CSMD1: variants seen among roughly 807,000 people sequenced by gnomAD.
CSMD1 encodes the protein CUB and sushi domain-containing protein 1.
A neutral mutation model predicts 417.5 loss-of-function variants in CSMD1; 213 were observed. That is an observed-to-expected ratio of 0.51 (90% CI 0.46 to 0.57). The LOEUF is 0.57. Ranked by LOEUF, CSMD1 falls within the 20% of genes least tolerant of loss-of-function variation. The pLI, the probability that CSMD1 is intolerant of heterozygous loss-of-function variation, is 0.00. For synonymous variants in CSMD1, 2,862 were observed against 1,736.8 expected, an observed-to-expected ratio of 1.65 and a Z score of -16.11; for missense variants, 6,923 against 4,529.7, an observed-to-expected ratio of 1.53 and a Z score of -15.17.
At chr8:4,923,178 G>A (rs943145638) in intron 1 of CSMD1, among the ~76,000 whole-genome samples, 1 of 152,108 alleles carries the variant, frequency 6.6e-6, no homozygotes, top group African/African-American at 2.4e-5. Context: ...AGTTTTAGAT[G>A]ACCACTGTCA....
At chr8:4,941,884 GCCA>G (rs1808027881) in intron 1 of CSMD1, among the ~76,000 whole-genome samples, 2 of 152,154 alleles carry the variant, frequency 1.3e-5, no homozygotes, top group South Asian at 2.1e-4. Flanking sequence ...ACAGGTGTGA[GCCA>G]CCACATCTGG....
chr8:3,814,178 C>A (rs897334252), intron 5 of CSMD1, among the ~76,000 whole-genome samples: 1 of 152,180 alleles, frequency 6.6e-6, no homozygotes, highest in Non-Finnish European at 1.5e-5. Context: ...AGTCAAGATG[C>A]AAACTGCAAG....
intron 54 of CSMD1, among the ~76,000 whole-genome samples, chr8:2,982,536 T>C (rs1805513360): frequency 6.6e-6 from 1 of 152,198 alleles, no homozygotes; most frequent in African/African-American, 2.4e-5. Context: ...TGTTTTGAGA[T>C]TTGATGGTGA....
intron 23 of CSMD1, among the ~76,000 whole-genome samples, chr8:3,335,759 G>C (rs967465631): frequency 6.6e-6 from 1 of 152,200 alleles, no homozygotes; most frequent in African/African-American, 2.4e-5. Context: ...AGCAGACACA[G>C]AGCTGGATGT....
chr8:3,935,420 GT>G (rs1200396099), intron 5 of CSMD1, among the ~76,000 whole-genome samples: 1 of 152,082 alleles, frequency 6.6e-6, no homozygotes, highest in East Asian at 1.9e-4. Context: ...AAATAACTGG[GT>G]TTTTGAAAAA....
At chr8:3,928,543 G>A (rs1809912333) in intron 5 of CSMD1, among the ~76,000 whole-genome samples, 1 of 135,674 alleles carries the variant, frequency 7.4e-6, no homozygotes, top group Non-Finnish European at 1.6e-5. Context: ...GCCGTTTGTA[G>A]GCTTCGGTAC....
intron 6 of CSMD1, among the ~76,000 whole-genome samples, chr8:3,741,949 AT>A (rs1235939152): frequency 6.6e-6 from 1 of 151,080 alleles, no homozygotes; most frequent in African/African-American, 2.4e-5. Flanking sequence ...CAAATGGCAA[AT>A]CTAATTCCAC....
chr8:3,708,055 C>T (rs1317444244), intron 7 of CSMD1, among the ~76,000 whole-genome samples: 1 of 152,200 alleles, frequency 6.6e-6, no homozygotes, highest in Non-Finnish European at 1.5e-5. Flanking sequence ...AAACCAACTT[C>T]TCCTTTGCAG....
chr8:4,008,660 G>C (rs1403251782), intron 4 of CSMD1, among the ~76,000 whole-genome samples: 3 of 134,420 alleles, frequency 2.2e-5, no homozygotes, highest in Non-Finnish European at 4.6e-5. Context: ...GCCCAGGCTG[G>C]AGTGCAGTGG....
At chr8:4,012,742 A>C (rs1796332990) in intron 4 of CSMD1, among the ~76,000 whole-genome samples, 2 of 152,134 alleles carry the variant, frequency 1.3e-5, no homozygotes, top group African/African-American at 4.8e-5. Context: ...ACTAGCCCTA[A>C]AATGGTTCTT....
chr8:3,621,837 G>C (rs2449230), intron 7 of CSMD1, among the ~76,000 whole-genome samples: 15,501 of 151,760 alleles, frequency 0.1, 965 homozygotes, highest in African/African-American at 0.16. Context: ...TCAAACTCCT[G>C]GGCTCAAACA....
In CSMD1 at chr8:4,536,286, T is replaced by C. The variant is rs1797099623; in HGVS notation, c.302+101056A>G. ...AAATAAAATCTACAAACATGTTCTA[T>C]TAAAAAAAATCTAGTTTTCTCCCTG... On this transcript the variant is annotated intron_variant, in intron 2 of 69. Transcript: ENST00000635120. Among the ~76,000 whole-genome samples the C allele has an allele frequency of 2.0e-5, 3 of 152,292 alleles. No homozygotes were observed. In the South Asian group the frequency reaches 6.2e-4, roughly 32 times the overall value.
intron 3 of CSMD1, among the ~76,000 whole-genome samples, chr8:4,163,821 T>C (rs956018462): frequency 2.0e-5 from 3 of 152,200 alleles, no homozygotes; most frequent in Non-Finnish European, 4.4e-5. Context: ...TCTACACCTA[T>C]ACCCCTTCAT....
At chr8:3,132,972 C>T (rs1817875052) in intron 41 of CSMD1, among the ~76,000 whole-genome samples, 1 of 152,180 alleles carries the variant, frequency 6.6e-6, no homozygotes, top group Non-Finnish European at 1.5e-5. Flanking sequence ...CTGAGGGTGC[C>T]GCTCCGTTCA....
chr8:3,437,436 G>C (rs1159288054), intron 12 of CSMD1, among the ~76,000 whole-genome samples: 1 of 152,160 alleles, frequency 6.6e-6, no homozygotes, highest in African/African-American at 2.4e-5. Flanking sequence ...TAAATGGGCT[G>C]TGTAATTTGT....
intron 3 of CSMD1, among the ~76,000 whole-genome samples, chr8:4,151,792 T>C (rs564976797): frequency 1.3e-4 from 20 of 152,326 alleles, no homozygotes; most frequent in African/African-American, 4.8e-4. Flanking sequence ...ATGCTTATTT[T>C]ATATGAAAAA....
intron 47 of CSMD1, among the ~76,000 whole-genome samples, chr8:3,092,237 G>C (rs1228674944): frequency 1.3e-5 from 2 of 151,866 alleles, no homozygotes; most frequent in Non-Finnish European, 2.9e-5. Flanking sequence ...AAAAGAATTA[G>C]ATTCATACAG....
chr8:3,337,059 G>T (rs766345132), intron 23 of CSMD1, among the ~76,000 whole-genome samples: 1 of 152,048 alleles, frequency 6.6e-6, no homozygotes, highest in Non-Finnish European at 1.5e-5. Flanking sequence ...GCTGGGGTTG[G>T]CCAGGCCTTG....
rs188634841 is a variant in CSMD1, at chr8:3,819,216, C to A, written c.819-65174G>T. On this transcript the variant is annotated intron_variant, in intron 5 of 69. Transcript: ENST00000635120. ...ATGTCTCCCAGGCTAACACTATGGA[C>A]AACCCTCTTTGGGCTGTGTAGTCAA... Among the ~76,000 whole-genome samples, 7 of 152,244 alleles carry A rather than the reference C, an allele frequency of 4.6e-5. No individual in the cohort carries two copies. In the South Asian group the frequency reaches 1.0e-3, roughly 23 times the overall value.
Sources: allele counts gnomAD v4.1 joint callset (sites outside exome capture counted in the v4.1 genomes callset), GRCh38; gene constraint gnomAD v4.1.1; transcripts MANE v1.5; gene names NCBI Gene and HGNC (gene_info 2026-07-23, HGNC 2026-07-21).